TBC1D19: variants seen among roughly 807,000 people sequenced by gnomAD.
TBC1D19 encodes the protein TBC1 domain family, member 19.
Under a neutral mutation model 89.0 loss-of-function variants are expected in TBC1D19, and 60 were observed. The ratio of observed to expected loss-of-function variants is 0.67; its 90% CI spans 0.55 to 0.84. The LOEUF is 0.84. Among genes scored for constraint, TBC1D19 ranks in the 40% least tolerant of loss-of-function variants. The probability of loss-of-function intolerance (pLI) is 0.00; values close to 1 mark genes in which losing one functional copy is unlikely to be tolerated. For missense variants in TBC1D19, 500 were observed against 610.8 expected (o/e 0.82, Z 1.91); for synonymous variants, 189 against 199.7 (o/e 0.95, Z 0.45).
At chr4:26,689,616 A>G (rs891579856) in intron 13 of TBC1D19, among the ~76,000 whole-genome samples, 1 of 152,070 alleles carries the variant, frequency 6.6e-6, no homozygotes, top group African/African-American at 2.4e-5. Context: ...AATATTTCAA[A>G]CTTTATTATT....
chr4:26,857,514 C>CCA, the TBC1D19 span, among the ~76,000 whole-genome samples: 2 of 152,246 alleles, frequency 1.3e-5, no homozygotes, highest in Non-Finnish European at 2.9e-5. Context: ...ACCACCCTCC[C>CCA]CACTGACAGC....
At chr4:26,803,752 G>A in the TBC1D19 span, among the ~76,000 whole-genome samples, 1 of 152,154 alleles carries the variant, frequency 6.6e-6, no homozygotes, top group Non-Finnish European at 1.5e-5. Flanking sequence ...TCTGTTCCTG[G>A]GTGGCTCCTG....
At chr4:26,735,423 C>G in intron 15 of TBC1D19, 32 bp from the exon 16 acceptor site, 1 of 1,468,658 alleles carries the variant, frequency 6.8e-7, no homozygotes, top group Non-Finnish European at 9.2e-7. Context: ...AGGCCTACTA[C>G]TTATTGAAAA....
chr4:26,757,303 C>T (rs768137109), downstream of TBC1D19, among the ~76,000 whole-genome samples: 3 of 152,178 alleles, frequency 2.0e-5, no homozygotes, highest in Non-Finnish European at 4.4e-5. Flanking sequence ...GCGTGAGTGA[C>T]CACACCGGAC....
chr4:26,781,859 G>C, the TBC1D19 span, among the ~76,000 whole-genome samples: 1 of 151,324 alleles, frequency 6.6e-6, no homozygotes, highest in East Asian at 1.9e-4. Context: ...TAATAAAAAT[G>C]ATTTGAGCAT....
the TBC1D19 span, among the ~76,000 whole-genome samples, chr4:26,832,564 G>A: frequency 3.9e-5 from 6 of 152,152 alleles, no homozygotes; most frequent in African/African-American, 1.4e-4. Context: ...TTTACATGCT[G>A]TCTGGTTAGA....
At chr4:26,790,151 A>G in the TBC1D19 span, among the ~76,000 whole-genome samples, 2 of 152,150 alleles carry the variant, frequency 1.3e-5, no homozygotes, top group African/African-American at 4.8e-5. Context: ...CCATGTAACA[A>G]AACTGCACCT....
chr4:26,579,287 C>T (rs1254042802), upstream of TBC1D19, among the ~76,000 whole-genome samples: 1 of 152,202 alleles, frequency 6.6e-6, no homozygotes, highest in African/African-American at 2.4e-5. Flanking sequence ...TCTTCTACTC[C>T]TTCATCTCTC....
In TBC1D19 at chr4:26,622,719, G is replaced by A. The variant is rs192431167; in HGVS notation, c.294+2031G>A. 1.1e-4 allele frequency among the ~76,000 whole-genome samples: 16 copies of A among 152,122 alleles called. No homozygotes were observed. In the Middle Eastern group the frequency reaches 0.014, roughly 129 times the overall value. On this transcript the variant is annotated intron_variant, in intron 4 of 20. Coordinates refer to ENST00000264866, the MANE Select transcript of TBC1D19 (RefSeq NM_018317.4). ...ATGAATCACTAAGATATGTTTTATT[G>A]GAAAATAGTCACGTTCATTCATTTG...
chr4:26,622,897 G>C (rs981557744), intron 4 of TBC1D19, among the ~76,000 whole-genome samples: 4 of 152,044 alleles, frequency 2.6e-5, no homozygotes, highest in Non-Finnish European at 4.4e-5. Flanking sequence ...TCAATAGCAG[G>C]GATTGTGCTT....
chr4:26,628,539 T>G (rs1742583630), intron 4 of TBC1D19, among the ~76,000 whole-genome samples: 1 of 152,046 alleles, frequency 6.6e-6, no homozygotes, highest in African/African-American at 2.4e-5. Context: ...AAATAAAGGG[T>G]ATTCAATTAG....
At chr4:26,855,198 G>T in the TBC1D19 span, among the ~76,000 whole-genome samples, 25 of 152,160 alleles carry the variant, frequency 1.6e-4, no homozygotes, top group Non-Finnish European at 1.5e-5. Flanking sequence ...ACTGTTATAT[G>T]GGCCTTTGCA....
chr4:26,740,697 T>C, intron 17 of TBC1D19: 2 of 985,384 alleles, frequency 2.0e-6, no homozygotes, highest in Non-Finnish European at 2.4e-6. Flanking sequence ...TTTTTCCCCC[T>C]TTGGACCTGC....
chr4:26,640,629 G>T lies in TBC1D19; in HGVS notation c.480+442G>T, dbSNP rs116379019. 8.3e-3 allele frequency among the ~76,000 whole-genome samples: 1,270 copies of T among 152,290 alleles called. 15 individuals carry two copies. The highest frequency in any genetic ancestry group is 0.013 in the Non-Finnish European group (918 of 68,002). On this transcript the variant is annotated intron_variant, in intron 7 of 20. Coordinates refer to ENST00000264866, the MANE Select transcript of TBC1D19 (RefSeq NM_018317.4). ...TTGCCTCACCTGGGAAGGGCAAGGG[G>T]TTGGGGGATTTCCCTTTCTGACCCA...
chr4:26,710,791 A>AT (rs771217169), intron 13 of TBC1D19, among the ~76,000 whole-genome samples: 83 of 152,152 alleles, frequency 5.5e-4, no homozygotes, highest in Admixed American at 1.5e-3. Context: ...GATGATGAGC[A>AT]TTTTTTCATG....
At chr4:26,634,734 T>A (rs979081487) in intron 4 of TBC1D19, among the ~76,000 whole-genome samples, 39 of 152,324 alleles carry the variant, frequency 2.6e-4, no homozygotes, top group African/African-American at 9.1e-4. Context: ...TACTAGTATC[T>A]ACATATATTT....
At chr4:26,635,156 A>G (rs992923858) in intron 4 of TBC1D19, among the ~76,000 whole-genome samples, 2 of 152,102 alleles carry the variant, frequency 1.3e-5, no homozygotes, top group African/African-American at 4.8e-5. Context: ...ATTTTATTTT[A>G]TTGTGATCAT....
intron 16 of TBC1D19, among the ~76,000 whole-genome samples, chr4:26,738,993 C>A (rs1718195388): frequency 6.6e-6 from 1 of 152,096 alleles, no homozygotes; most frequent in Non-Finnish European, 1.5e-5. Flanking sequence ...TTTGAAATTA[C>A]CCTGTAAGGC....
the TBC1D19 span, among the ~76,000 whole-genome samples, chr4:26,851,603 T>G: frequency 6.6e-6 from 1 of 152,214 alleles, no homozygotes; most frequent in Non-Finnish European, 1.5e-5. Context: ...TAAACTTACT[T>G]TTTGGCTATT....
Sources: allele counts gnomAD v4.1 joint callset (sites outside exome capture counted in the v4.1 genomes callset), GRCh38; gene constraint gnomAD v4.1.1; transcripts MANE v1.5; gene names NCBI Gene and HGNC (gene_info 2026-07-23, HGNC 2026-07-21).